FBXL7: variants seen among roughly 807,000 people sequenced by gnomAD.
FBXL7 encodes F-box and leucine rich repeat protein 7.
A neutral mutation model predicts 38.3 loss-of-function variants in FBXL7; 12 were observed. That is an observed-to-expected ratio of 0.31 (90% CI 0.20 to 0.51). The LOEUF is 0.51. Ranked by LOEUF, FBXL7 falls within the 20% of genes least tolerant of loss-of-function variation. The pLI, the probability that FBXL7 is intolerant of heterozygous loss-of-function variation, is 0.98. For synonymous variants in FBXL7, 297 were observed against 300.9 expected (o/e 0.99, Z 0.13); for missense variants, 567 against 676.4 (o/e 0.84, Z 1.79).
intron 2 of FBXL7, among the ~76,000 whole-genome samples, chr5:15,643,436 G>A (rs1383189530): frequency 1.3e-5 from 2 of 152,212 alleles, no homozygotes; most frequent in South Asian, 4.1e-4. Flanking sequence ...GGTTTTCATG[G>A]TGAAGTCCAA....
At chr5:15,554,842 A>C (rs762105693) in intron 1 of FBXL7, among the ~76,000 whole-genome samples, 9 of 152,244 alleles carry the variant, frequency 5.9e-5, no homozygotes, top group Non-Finnish European at 1.2e-4. Context: ...AAGGTGATAC[A>C]GAGGAATATG....
chr5:15,861,448 T>TG (rs1739468104), intron 2 of FBXL7, among the ~76,000 whole-genome samples: 1 of 152,188 alleles, frequency 6.6e-6, no homozygotes, highest in Non-Finnish European at 1.5e-5. Flanking sequence ...CACAGAGTGA[T>TG]GGGGCATAAG....
At chr5:15,809,132 T>A (rs1737789390) in intron 2 of FBXL7, among the ~76,000 whole-genome samples, 1 of 152,190 alleles carries the variant, frequency 6.6e-6, no homozygotes, top group Non-Finnish European at 1.5e-5. Flanking sequence ...AAAAAAAAGT[T>A]GTGCATCAAT....
At position 15,937,960 on chromosome 5, in the gene FBXL7, A is replaced by T. The variant is rs1742246680; in HGVS notation, c.*774A>T. ...AGAAGCACCTTGGCATAGAGCACCCAGGCATCGACCTCTTCCAGGAGAACT... is the reference window on the plus strand; with the variant it reads ...AGAAGCACCTTGGCATAGAGCACCCTGGCATCGACCTCTTCCAGGAGAACT... On this transcript the variant is annotated 3_prime_UTR_variant, in exon 4 of 4. Transcript: ENST00000504595. 6.6e-6 allele frequency: 1 copy of T among 152,286 alleles called. No homozygotes were observed. Among genetic ancestry groups the T allele is most frequent in the Admixed American group, 6.5e-5 (1 of 15,278 alleles). 9.4% of individuals were successfully genotyped at this position (152,286 alleles called of 1,614,324 possible). A position where few individuals can be genotyped will look rare whatever the true frequency, so the allele number is the denominator to read the frequency against.
intron 1 of FBXL7, among the ~76,000 whole-genome samples, chr5:15,541,175 T>C (rs1483658866): frequency 6.6e-6 from 1 of 151,496 alleles, no homozygotes; most frequent in African/African-American, 2.4e-5. Flanking sequence ...TCCCAAATCC[T>C]CCAGCATGAA....
intron 2 of FBXL7, among the ~76,000 whole-genome samples, chr5:15,843,890 A>G (rs933952625): frequency 1.3e-5 from 2 of 151,034 alleles, no homozygotes; most frequent in Admixed American, 6.6e-5. Flanking sequence ...ATATAAAGCT[A>G]TATATTTAGA....
intron 2 of FBXL7, among the ~76,000 whole-genome samples, chr5:15,673,730 C>T (rs1742561693): frequency 6.6e-6 from 1 of 152,026 alleles, no homozygotes. Flanking sequence ...TATCCCCAAG[C>T]CTGATCATCT....
intron 1 of FBXL7, among the ~76,000 whole-genome samples, chr5:15,551,429 C>CT (rs1460965516): frequency 6.6e-6 from 1 of 152,170 alleles, no homozygotes; most frequent in Non-Finnish European, 1.5e-5. Context: ...GGTAGTCACA[C>CT]TGGGGGTCTG....
chr5:15,676,655 G>C (rs1408448576), intron 2 of FBXL7, among the ~76,000 whole-genome samples: 1 of 152,230 alleles, frequency 6.6e-6, no homozygotes, highest in Non-Finnish European at 1.5e-5. Flanking sequence ...TCATCTGTGT[G>C]TTGAGAGGGC....
chr5:15,622,394 G>A (rs3097352), intron 2 of FBXL7, among the ~76,000 whole-genome samples: 8,276 of 151,824 alleles, frequency 0.055, 648 homozygotes, highest in East Asian at 0.35. Context: ...CCATTAACTC[G>A]TCATTTACAT....
At chr5:15,820,747 G>A (rs532321781) in intron 2 of FBXL7, among the ~76,000 whole-genome samples, 22 of 152,056 alleles carry the variant, frequency 1.4e-4, no homozygotes, top group Non-Finnish European at 2.4e-4. Context: ...CACACAGACC[G>A]GTGAAGAAAG....
intron 1 of FBXL7, among the ~76,000 whole-genome samples, chr5:15,595,015 T>A (rs1302547714): frequency 6.6e-6 from 1 of 152,186 alleles, no homozygotes; most frequent in Non-Finnish European, 1.5e-5. Context: ...TGTTTCCCAG[T>A]ATCTAGAACA....
chr5:15,532,579 CT>C (rs1305194533), intron 1 of FBXL7, among the ~76,000 whole-genome samples: 3 of 152,220 alleles, frequency 2.0e-5, no homozygotes, highest in Non-Finnish European at 4.4e-5. Flanking sequence ...AAAAACTTTA[CT>C]GACCAACTGG....
At chr5:15,740,664 C>T (rs1735872596) in intron 2 of FBXL7, among the ~76,000 whole-genome samples, 1 of 152,012 alleles carries the variant, frequency 6.6e-6, no homozygotes, top group Non-Finnish European at 1.5e-5. Context: ...GTGTTTTTTT[C>T]CAGTCCCCTT....
intron 2 of FBXL7, among the ~76,000 whole-genome samples, chr5:15,804,963 A>G (rs1737666348): frequency 6.6e-6 from 1 of 152,012 alleles, no homozygotes; most frequent in Admixed American, 6.6e-5. Context: ...TGGGTGCCAG[A>G]GGGCCAAGAT....
chr5:15,579,097 G>A (rs977648130), intron 1 of FBXL7, among the ~76,000 whole-genome samples: 1 of 152,136 alleles, frequency 6.6e-6, no homozygotes, highest in African/African-American at 2.4e-5. Context: ...CAGATCTCTT[G>A]GACTCAGTGC....
At chr5:15,547,498 A>G (rs1737947184) in intron 1 of FBXL7, among the ~76,000 whole-genome samples, 1 of 152,200 alleles carries the variant, frequency 6.6e-6, no homozygotes, top group South Asian at 2.1e-4. Context: ...CCCACACACA[A>G]GTTACTTGAA....
At chr5:15,693,152 C>A (rs1743231020) in intron 2 of FBXL7, among the ~76,000 whole-genome samples, 1 of 152,114 alleles carries the variant, frequency 6.6e-6, no homozygotes. Flanking sequence ...GCTAGAACTG[C>A]CTTCTCATGG....
chr5:15,806,859 G>A lies in FBXL7; in HGVS notation c.128-121031G>A, dbSNP rs16867751. 9.5e-3 allele frequency among the ~76,000 whole-genome samples: 1,443 copies of A among 152,290 alleles called. 28 individuals carry two copies. The highest frequency in any genetic ancestry group is 0.033 in the African/African-American group (1,365 of 41,564). ...GCCTTCTCCTCTCCCTCTGTGACTC[G>A]CTGTGACAGCTGCCCTGTTGTCAAA... On this transcript the variant is annotated intron_variant, in intron 2 of 3. Coordinates refer to ENST00000504595, the MANE Select transcript of FBXL7 (RefSeq NM_012304.5).
Sources: gnomAD v4.1 joint callset for allele counts (sites outside exome capture counted in the v4.1 genomes callset) on GRCh38, gnomAD v4.1.1 for gene constraint, MANE v1.5 for transcripts, NCBI Gene and HGNC (gene_info 2026-07-23, HGNC 2026-07-21) for gene names.